SMG6: variants seen among roughly 807,000 people sequenced by gnomAD.
SMG6 encodes telomerase-binding protein EST1A.
SMG6 carries 66 observed loss-of-function variants against 142.2 expected under a neutral mutation model. That is an observed-to-expected ratio of 0.46 (90% CI 0.38 to 0.57). The LOEUF is 0.57. Ranked by LOEUF, SMG6 falls within the 20% of genes least tolerant of loss-of-function variation. The probability of loss-of-function intolerance (pLI) is 0.00; values close to 1 mark genes in which losing one functional copy is unlikely to be tolerated. For synonymous variants in SMG6, 779 were observed against 702.4 expected (o/e 1.11, Z -1.72); for missense variants, 1,793 against 1,832.0 (o/e 0.98, Z 0.39).
chr17:2,075,797 G>A (rs2068241467), intron 15 of SMG6, among the ~76,000 whole-genome samples: 2 of 152,250 alleles, frequency 1.3e-5, no homozygotes, highest in Admixed American at 6.5e-5. Context: ...AGCGTGGGCT[G>A]AGCCGGAGAG....
intron 13 of SMG6, among the ~76,000 whole-genome samples, chr17:2,130,477 T>C (rs1461749972): frequency 6.6e-6 from 1 of 151,780 alleles, no homozygotes; most frequent in African/African-American, 2.4e-5. Context: ...ATATGGCAAT[T>C]GCTCACTGGC....
chr17:2,113,130 T>A (rs756593590), intron 13 of SMG6, among the ~76,000 whole-genome samples: 1 of 151,820 alleles, frequency 6.6e-6, no homozygotes, highest in African/African-American at 2.4e-5. Context: ...TGATCAAGGC[T>A]TACTGCAGCC....
At chr17:2,125,061 T>C (rs971910973) in intron 13 of SMG6, among the ~76,000 whole-genome samples, 1 of 152,226 alleles carries the variant, frequency 6.6e-6, no homozygotes, top group Non-Finnish European at 1.5e-5. Flanking sequence ...TCTTCTTCTA[T>C]GGAAATAGGA....
chr17:2,217,917 G>A (rs908713806), intron 10 of SMG6, among the ~76,000 whole-genome samples: 2 of 152,050 alleles, frequency 1.3e-5, no homozygotes, highest in African/African-American at 2.4e-5. Flanking sequence ...GGGCGAGACA[G>A]GAGAATCGCT....
intron 8 of SMG6, among the ~76,000 whole-genome samples, chr17:2,278,242 G>T (rs796811614): frequency 6.8e-6 from 1 of 146,926 alleles, no homozygotes; most frequent in South Asian, 2.1e-4. Flanking sequence ...TCCCTCTGTC[G>T]CCCAGGCTGG....
intron 13 of SMG6, among the ~76,000 whole-genome samples, chr17:2,149,388 A>G (rs1351501538): frequency 6.6e-6 from 1 of 150,418 alleles, no homozygotes; most frequent in East Asian, 1.9e-4. Flanking sequence ...TTAAAATGGT[A>G]AATTTTATCT....
chr17:2,083,534 G>T (rs1315524928), intron 14 of SMG6, among the ~76,000 whole-genome samples: 1 of 152,206 alleles, frequency 6.6e-6, no homozygotes, highest in Non-Finnish European at 1.5e-5. Context: ...AGATGTCAGG[G>T]GTCTGGGATG....
At chr17:2,242,536 A>AG (rs1462421495) in intron 9 of SMG6, among the ~76,000 whole-genome samples, 2 of 150,772 alleles carry the variant, frequency 1.3e-5, no homozygotes, top group Non-Finnish European at 2.9e-5. Context: ...TCTCAAAAAA[A>AG]AAAGATAAAT....
At chr17:2,101,042 A>G (rs1250240452) in intron 13 of SMG6, 1 of 152,186 alleles carries the variant, frequency 6.6e-6, no homozygotes, top group Non-Finnish European at 1.5e-5. Flanking sequence ...AGTGGTCACA[A>G]TTTTACTAGA....
chr17:2,120,336 G>T (rs1456078489), intron 13 of SMG6, among the ~76,000 whole-genome samples: 1 of 152,102 alleles, frequency 6.6e-6, no homozygotes, highest in Non-Finnish European at 1.5e-5. Context: ...GAATACATAA[G>T]GAACTCAACA....
intron 13 of SMG6, among the ~76,000 whole-genome samples, chr17:2,107,575 T>C (rs528626267): frequency 8.5e-5 from 13 of 152,204 alleles, no homozygotes; most frequent in Non-Finnish European, 1.3e-4. Flanking sequence ...CACAGTTGTC[T>C]TGAGCCTCCA....
intron 13 of SMG6, among the ~76,000 whole-genome samples, chr17:2,153,353 T>C (rs11655099): frequency 0.089 from 13,496 of 152,230 alleles, 852 homozygotes; most frequent in Middle Eastern, 0.16. Flanking sequence ...ACATCAGAAG[T>C]TGTCAGGGAC....
chr17:2,204,177 A>C (rs891533966), intron 10 of SMG6, among the ~76,000 whole-genome samples: 1 of 152,170 alleles, frequency 6.6e-6, no homozygotes, highest in African/African-American at 2.4e-5. Context: ...CCAAAAATAA[A>C]ACAATTCCGA....
intron 8 of SMG6, among the ~76,000 whole-genome samples, chr17:2,255,457 A>C (rs945440793): frequency 6.7e-6 from 1 of 150,220 alleles, no homozygotes; most frequent in African/African-American, 2.4e-5. Context: ...AAGCCACTGA[A>C]GGGTTTTCAG....
At position 2,061,095 on chromosome 17, in the gene SMG6, G is replaced by A. The variant is rs544319778; in HGVS notation, c.*397C>T. The A allele has an allele frequency of 6.7e-4, 117 of 175,640 alleles. 1 individual carries two copies. Among genetic ancestry groups the A allele is most frequent in the South Asian group, 3.3e-3 (27 of 8,162 alleles). The allele number at this position is 175,640 out of a possible 1,614,324, so 10.9% of individuals were successfully genotyped here. A position where few individuals can be genotyped will look rare whatever the true frequency, so the allele number is the denominator to read the frequency against. On this transcript the variant is annotated 3_prime_UTR_variant, in exon 19 of 19. Coordinates refer to ENST00000263073, the MANE Select transcript of SMG6 (RefSeq NM_017575.5). The stretch of plus-strand genomic sequence containing the variant: ...GAACTGTGATTTCACTGCATCTGAC[G>A]GAAACTCAGAACCCCTGCCCTGTCT...
At chr17:2,072,264 A>T (rs1345946171) in intron 15 of SMG6, among the ~76,000 whole-genome samples, 4 of 152,140 alleles carry the variant, frequency 2.6e-5, no homozygotes, top group Non-Finnish European at 5.9e-5. Context: ...CCGGAAGGAG[A>T]GTTCCACAGG....
At chr17:2,251,443 C>A (rs1469983767) in intron 8 of SMG6, among the ~76,000 whole-genome samples, 2 of 152,150 alleles carry the variant, frequency 1.3e-5, no homozygotes. Context: ...CACTCCAGAA[C>A]TGTTCAGGGC....
At chr17:2,233,583 T>C (rs1467480979) in intron 10 of SMG6, 1 of 152,204 alleles carries the variant, frequency 6.6e-6, no homozygotes, top group African/African-American at 2.4e-5. Context: ...ATCACTTCCT[T>C]ACTCATAAAA....
intron 8 of SMG6, among the ~76,000 whole-genome samples, chr17:2,252,610 C>G (rs2074072847): frequency 1.3e-5 from 2 of 152,150 alleles, no homozygotes; most frequent in South Asian, 4.1e-4. Context: ...AGGGCTGTTT[C>G]TTCAACAGTT....
Sources: allele counts gnomAD v4.1 joint callset (sites outside exome capture counted in the v4.1 genomes callset), GRCh38; gene constraint gnomAD v4.1.1; transcripts MANE v1.5; gene names NCBI Gene and HGNC (gene_info 2026-07-23, HGNC 2026-07-21).